The following NEDD9 variants were observed in gnomAD, a reference collection of about 807,000 sequenced individuals.
NEDD9 encodes neural precursor cell expressed, developmentally down-regulated 9.
NEDD9 carries 26 observed loss-of-function variants against 76.6 expected under a neutral mutation model. The ratio of observed to expected loss-of-function variants is 0.34; its 90% CI spans 0.25 to 0.47. The LOEUF (loss-of-function observed/expected upper bound fraction) is 0.47. Among genes scored for constraint, NEDD9 ranks in the 20% least tolerant of loss-of-function variants. The pLI is 1.00. For synonymous variants in NEDD9, 392 were observed against 414.2 expected, an observed-to-expected ratio of 0.95 and a Z score of 0.65; for missense variants, 937 against 1,058.5, an observed-to-expected ratio of 0.89 and a Z score of 1.59.
Position 11,292,836 on chromosome 6 carries a change from C to T in NEDD9, c.12+13156G>A, listed in dbSNP as rs117502343. ...TCAGGCATCCTCTAAGCACAGACCT[C>T]CCTGGGTTCTAATACAAAGAATATT... On this transcript the variant is annotated intron_variant, in intron 3 of 3. Transcript: ENST00000397378. 4.4e-3 allele frequency among the ~76,000 whole-genome samples: 668 copies of T among 152,290 alleles called. 8 individuals are homozygous for T. In the East Asian group the frequency reaches 0.063, roughly 14 times the overall value.
In NEDD9 at chr6:11,201,020, G is replaced by A; in HGVS notation, c.460-7328C>T. The A allele has an allele frequency of 1.9e-6, 3 of 1,614,114 alleles. No homozygotes were observed. In the South Asian group the frequency reaches 3.3e-5, roughly 18 times the overall value. ...GTTTAGAGGCTCTCACTAAGAAATA[G>A]GACACTTGCCCATCTCTCTGGAACA... On this transcript the variant is annotated intron_variant, in intron 2 of 6. Coordinates refer to ENST00000379446, the MANE Select transcript of NEDD9 (RefSeq NM_006403.4).
At chr6:11,271,163 G>A (rs1193049811) in intron 3 of NEDD9, among the ~76,000 whole-genome samples, 1 of 152,134 alleles carries the variant, frequency 6.6e-6, no homozygotes, top group African/African-American at 2.4e-5. Flanking sequence ...TGTCTCAAGA[G>A]TTGGCACCAC....
intron 1 of NEDD9, among the ~76,000 whole-genome samples, chr6:11,225,474 G>A (rs1294221412): frequency 6.6e-6 from 1 of 152,100 alleles, no homozygotes; most frequent in Admixed American, 6.5e-5. Flanking sequence ...GGGAGAAAGA[G>A]ACTAGCTGTT....
intron 2 of NEDD9, among the ~76,000 whole-genome samples, chr6:11,208,003 C>A (rs1438896009): frequency 1.3e-5 from 2 of 152,052 alleles, no homozygotes; most frequent in Admixed American, 6.5e-5. Context: ...CATGGCAAAA[C>A]CCCGTCTCTA....
intron 2 of NEDD9, among the ~76,000 whole-genome samples, chr6:11,318,390 G>A (rs563885351): frequency 2.3e-4 from 35 of 152,260 alleles, no homozygotes; most frequent in Middle Eastern, 6.8e-3. Context: ...GGTGTGGAGC[G>A]GGGGATGAGA....
intron 1 of NEDD9, among the ~76,000 whole-genome samples, chr6:11,371,161 T>C (rs79327853): frequency 0.067 from 10,121 of 152,162 alleles, 367 homozygotes; most frequent in Non-Finnish European, 0.067. Flanking sequence ...GAGAAAAAGG[T>C]ACAGAGATTT....
intron 3 of NEDD9, among the ~76,000 whole-genome samples, chr6:11,299,240 C>T (rs1426460602): frequency 3.9e-5 from 6 of 152,192 alleles, no homozygotes; most frequent in Admixed American, 1.3e-4. Context: ...TCACTGCTAG[C>T]GCTGCAGTCT....
chr6:11,343,226 G>A (rs1026124656), intron 1 of NEDD9, among the ~76,000 whole-genome samples: 21 of 151,990 alleles, frequency 1.4e-4, no homozygotes, highest in Admixed American at 2.6e-4. Context: ...TCAGGAGTTC[G>A]AGACCAGCCT....
upstream of NEDD9, among the ~76,000 whole-genome samples, chr6:11,234,433 T>A (rs538707207): frequency 1.5e-4 from 23 of 152,338 alleles, no homozygotes; most frequent in South Asian, 4.4e-3. Flanking sequence ...TTCTGTTTTG[T>A]TTGATGAATA....
intron 3 of NEDD9, among the ~76,000 whole-genome samples, chr6:11,288,561 A>G (rs1259163484): frequency 6.6e-6 from 1 of 152,186 alleles, no homozygotes; most frequent in Non-Finnish European, 1.5e-5. Flanking sequence ...TCATAAAGGG[A>G]ACCATACTTT....
chr6:11,221,490 A>G (rs1759145228), intron 1 of NEDD9, among the ~76,000 whole-genome samples: 1 of 152,304 alleles, frequency 6.6e-6, no homozygotes, highest in South Asian at 2.1e-4. Context: ...AGAGTTGATT[A>G]GAGTAGAATT....
chr6:11,300,173 T>G (rs374424149), intron 3 of NEDD9, among the ~76,000 whole-genome samples: 61 of 152,278 alleles, frequency 4.0e-4, no homozygotes, highest in African/African-American at 1.4e-3. Context: ...TTAAATGACC[T>G]GATGGAGCTG....
intron 2 of NEDD9, chr6:11,200,235 G>A (rs1425424006): frequency 4.4e-6 from 2 of 454,360 alleles, no homozygotes; most frequent in East Asian, 7.0e-5. Flanking sequence ...CCTAAGGACT[G>A]TATCCAAAAT....
chr6:11,233,572 A>G, upstream of NEDD9: 1 of 514,772 alleles, frequency 1.9e-6, no homozygotes, highest in Admixed American at 1.9e-5. Flanking sequence ...TTAACCCACC[A>G]ACACTTATTA....
At chr6:11,328,431 C>G (rs1761971475) in intron 2 of NEDD9, 1 of 152,198 alleles carries the variant, frequency 6.6e-6, no homozygotes. Context: ...GCAGAACTTC[C>G]AGATGAAGCA....
rs570319978 is a variant in NEDD9, at chr6:11,329,443, T to C, written c.-153+5058A>G. 2.0e-5 allele frequency among the ~76,000 whole-genome samples: 3 copies of C among 152,324 alleles called. No individual in the cohort carries two copies. In the South Asian group the frequency reaches 6.2e-4, roughly 32 times the overall value. On this transcript the variant is annotated intron_variant, in intron 2 of 3. Transcript: ENST00000397378. ...CTTTCTCTGCCTTCCTTTGGGGTTA[T>C]AGGCTTCCCTGCAGTTCTTTAGGGT...
At position 11,213,820 on chromosome 6, in the gene NEDD9, C is replaced by T. The variant is rs1758864095; in HGVS notation, c.13-93G>A. The stretch of plus-strand genomic sequence containing the variant: ...CGTGCTCTTATGGAAAGGCACACTT[C>T]CTGGAAAGAGAGAAGCATAAATCTG... On this transcript the variant is annotated intron_variant, in intron 1 of 6. Coordinates refer to ENST00000379446, the MANE Select transcript of NEDD9 (RefSeq NM_006403.4). This position sits in a 1 kb window ranked among gnomAD's most constrained non-coding sequence, Gnocchi z 5.4. The T allele has an allele frequency of 1.8e-6, 2 of 1,111,412 alleles. No individual in the cohort carries two copies. Among genetic ancestry groups the T allele is most frequent in the Non-Finnish European group, 2.6e-6 (2 of 768,862 alleles). 68.8% of individuals were successfully genotyped at this position (1,111,412 alleles called of 1,614,324 possible). A position where few individuals can be genotyped will look rare whatever the true frequency, so the allele number is the denominator to read the frequency against.
At chr6:11,359,887 C>T (rs1316709440) in intron 1 of NEDD9, among the ~76,000 whole-genome samples, 1 of 152,178 alleles carries the variant, frequency 6.6e-6, no homozygotes, top group Non-Finnish European at 1.5e-5. Flanking sequence ...CCATGAGGGA[C>T]AAACCACATC....
intron 1 of NEDD9, among the ~76,000 whole-genome samples, chr6:11,357,655 C>T (rs187134296): frequency 7.2e-5 from 11 of 152,184 alleles, no homozygotes; most frequent in Non-Finnish European, 1.6e-4. Flanking sequence ...AAGATTCACT[C>T]TCTTTTCAGG....
Sources: allele counts gnomAD v4.1 joint callset (sites outside exome capture counted in the v4.1 genomes callset), GRCh38; gene constraint gnomAD v4.1.1; non-coding constraint Gnocchi (gnomAD v3.1); transcripts MANE v1.5; gene names NCBI Gene and HGNC (gene_info 2026-07-23, HGNC 2026-07-21).